Variants in DMD observed in about 807,000 individuals in gnomAD.
DMD encodes dystrophin, also known as mutant dystrophin.
A neutral mutation model predicts 330.1 loss-of-function variants in DMD; 63 were observed. The ratio of observed to expected loss-of-function variants is 0.19; its 90% CI spans 0.16 to 0.24. DMD has a LOEUF of 0.24. Among genes scored for constraint, DMD ranks in the 10% least tolerant of loss-of-function variants. The pLI, the probability that DMD is intolerant of heterozygous loss-of-function variation, is 1.00. For synonymous variants in DMD, 1,223 were observed against 959.8 expected (o/e 1.27, Z -5.07); for missense variants, 3,344 against 2,684.1 (o/e 1.25, Z -5.43).
At chrX:32,755,132 G>C (rs765048145) in intron 7 of DMD, 1 of 110,704 alleles carries the variant, frequency 9.0e-6, no homozygotes, top group East Asian at 2.9e-4. Flanking sequence ...CCATGTATCT[G>C]CTTGTCTCCC....
chrX:32,980,698 A>T (rs1018813244), intron 2 of DMD, among the ~76,000 whole-genome samples: 2 of 111,556 alleles, frequency 1.8e-5, no homozygotes, highest in Admixed American at 9.6e-5. Flanking sequence ...TCTGCTTAAA[A>T]ATTTATCATG....
chrX:33,018,135 A>C (rs2093840009), intron 2 of DMD, among the ~76,000 whole-genome samples: 1 of 111,811 alleles, frequency 8.9e-6, no homozygotes. Context: ...GTATATATAC[A>C]TTTTACCTTT....
At chrX:33,197,085 T>C (rs1448765997) in intron 1 of DMD, among the ~76,000 whole-genome samples, 1 of 111,524 alleles carries the variant, frequency 9.0e-6, no homozygotes, top group Non-Finnish European at 1.9e-5. Flanking sequence ...TAGAAATGGA[T>C]TGCATTCTAG....
intron 57 of DMD, among the ~76,000 whole-genome samples, chrX:31,484,765 C>A (rs762252873): frequency 1.8e-5 from 2 of 111,701 alleles, no homozygotes; most frequent in Non-Finnish European, 3.8e-5. Flanking sequence ...TACTGGCCAA[C>A]CGGGTGACTG....
intron 48 of DMD, among the ~76,000 whole-genome samples, chrX:31,850,784 T>C (rs1363322052): frequency 8.9e-6 from 1 of 112,529 alleles, no homozygotes; most frequent in Non-Finnish European, 1.9e-5. Flanking sequence ...CACTGGAATT[T>C]TGTCATTGTT....
chrX:32,331,278 C>T (rs866612039), intron 41 of DMD, among the ~76,000 whole-genome samples: 2 of 111,557 alleles, frequency 1.8e-5, no homozygotes, highest in Non-Finnish European at 3.8e-5. Context: ...ACAAACTGTT[C>T]CCAAATAGTT....
intron 63 of DMD, among the ~76,000 whole-genome samples, chrX:31,247,864 G>C (rs1327014294): frequency 8.9e-6 from 1 of 111,911 alleles, no homozygotes; most frequent in Non-Finnish European, 1.9e-5. Flanking sequence ...AACTTTAATG[G>C]ATAGGGAGTT....
At chrX:31,791,967 G>C (rs1427477085) in intron 50 of DMD, among the ~76,000 whole-genome samples, 2 of 112,232 alleles carry the variant, frequency 1.8e-5, no homozygotes, top group African/African-American at 6.5e-5. Context: ...AGACTGAAAT[G>C]CTTTACATAT....
intron 60 of DMD, among the ~76,000 whole-genome samples, chrX:31,405,581 C>G (rs964184316): frequency 9.0e-6 from 1 of 110,940 alleles, no homozygotes; most frequent in African/African-American, 3.3e-5. Flanking sequence ...TAAGTTGACT[C>G]AAATTAATAA....
chrX:33,081,007 C>A (rs113038167), intron 1 of DMD, among the ~76,000 whole-genome samples: 2,519 of 98,024 alleles, frequency 0.026, 21 homozygotes, highest in South Asian at 0.034. Context: ...CACACACACA[C>A]AAAAACACAT....
intron 62 of DMD, among the ~76,000 whole-genome samples, chrX:31,322,071 G>A (rs748745947): frequency 8.9e-6 from 1 of 111,800 alleles, no homozygotes; most frequent in African/African-American, 3.2e-5. Flanking sequence ...ATAGCTTAAA[G>A]GTGTCTTGAA....
chrX:31,922,586 A>G (rs773641980), intron 47 of DMD, among the ~76,000 whole-genome samples: 7 of 109,030 alleles, frequency 6.4e-5, no homozygotes, highest in Non-Finnish European at 1.3e-4. Flanking sequence ...CCCTCAATCT[A>G]TGGGATCTGA....
At position 33,009,153 on chromosome X, in the gene DMD, CGTATATATGTATATAT is replaced by C. The variant is rs1569548823; in HGVS notation, c.93+10970_93+10985del. 1.2e-3 allele frequency among the ~76,000 whole-genome samples: 22 copies of C among 18,891 alleles called. 3 individuals carry two copies. The highest frequency in any genetic ancestry group is 4.5e-3 in the African/African-American group (19 of 4,176). 16.4% of individuals were successfully genotyped at this position (18,891 alleles called of 115,157 possible). A position where few individuals can be genotyped will look rare whatever the true frequency, so the allele number is the denominator to read the frequency against. On this transcript the variant is annotated intron_variant, in intron 2 of 78. Coordinates refer to ENST00000357033, the MANE Select transcript of DMD (RefSeq NM_004006.3). ...ATATGTATATATATGTGTATATATA[CGTATATATGTATATAT>C]ATGTGTATATATACGTATATATGTA...
chrX:33,128,131 T>C (rs2095476367), intron 1 of DMD: 1 of 1,205,675 alleles, frequency 8.3e-7, no homozygotes, highest in Non-Finnish European at 1.1e-6. Context: ...TGCATTTATC[T>C]GCAGCTTTTA....
At chrX:31,514,833 G>T (rs747134752) in intron 55 of DMD, among the ~76,000 whole-genome samples, 2 of 111,212 alleles carry the variant, frequency 1.8e-5, no homozygotes, top group Non-Finnish European at 3.8e-5. Context: ...CAGGTAAAAA[G>T]AATAGCATGG....
At chrX:32,761,272 A>G (rs1482739614) in intron 7 of DMD, among the ~76,000 whole-genome samples, 1 of 112,172 alleles carries the variant, frequency 8.9e-6, no homozygotes, top group Non-Finnish European at 1.9e-5. Flanking sequence ...AATCCCCAGT[A>G]TATAATCTGC....
chrX:32,657,778 A>T (rs371066971), intron 9 of DMD, among the ~76,000 whole-genome samples: 2 of 112,084 alleles, frequency 1.8e-5, no homozygotes, highest in Non-Finnish European at 3.8e-5. Flanking sequence ...AGACCAAATA[A>T]ATTCTTAATG....
chrX:32,472,078 T>G, intron 22 of DMD, 86 bp downstream of exon 22: 2 of 1,107,943 alleles, frequency 1.8e-6, no homozygotes, highest in Non-Finnish European at 2.5e-6. Flanking sequence ...CAGAATGACT[T>G]AAATTCTAAT....
intron 11 of DMD, among the ~76,000 whole-genome samples, chrX:32,638,260 A>G (rs1287086036): frequency 8.9e-6 from 1 of 111,858 alleles, no homozygotes; most frequent in African/African-American, 3.2e-5. Context: ...TGATATCAAC[A>G]TATGAGGACT....
Sources: gnomAD v4.1 joint callset for allele counts (sites outside exome capture counted in the v4.1 genomes callset) on GRCh38, gnomAD v4.1.1 for gene constraint, MANE v1.5 for transcripts, NCBI Gene and HGNC (gene_info 2026-07-23, HGNC 2026-07-21) for gene names.